The following GRAMD2B variants were observed in gnomAD, a reference collection of about 807,000 sequenced individuals.
GRAMD2B encodes GRAM domain containing 2B, also known as GRAM domain-containing protein 2B.
In GRAMD2B, 41 loss-of-function variants were observed where a neutral mutation model predicts 59.2. That is an observed-to-expected ratio of 0.69 (90% CI 0.54 to 0.90). The LOEUF is 0.90. Ranked by LOEUF, GRAMD2B falls within the 40% of genes least tolerant of loss-of-function variation. The pLI is 0.00. For missense variants in GRAMD2B, 424 were observed against 500.5 expected (o/e 0.85, Z 1.46); for synonymous variants, 161 against 182.7 (o/e 0.88, Z 0.96).
intron 1 of GRAMD2B, among the ~76,000 whole-genome samples, chr5:126,398,409 T>C (rs1464429188): frequency 2.0e-5 from 3 of 152,162 alleles, no homozygotes; most frequent in African/African-American, 7.2e-5. Context: ...TTTTTTGGCA[T>C]ATGATCATTC....
chr5:126,398,940 C>T (rs1052603696), intron 1 of GRAMD2B, among the ~76,000 whole-genome samples: 4 of 152,108 alleles, frequency 2.6e-5, no homozygotes, highest in Admixed American at 6.5e-5. Flanking sequence ...AGTTTCATTC[C>T]ATTGTGGTTG....
At chr5:126,362,556 A>T (rs1429819644) in intron 1 of GRAMD2B, among the ~76,000 whole-genome samples, 1 of 152,188 alleles carries the variant, frequency 6.6e-6, no homozygotes, top group Non-Finnish European at 1.5e-5. Context: ...CTGGCCTTGG[A>T]CTTATGTAGA....
intron 13 of GRAMD2B, 133 bp downstream of exon 13, chr5:126,489,025 G>A (rs1010053822): frequency 3.3e-5 from 17 of 520,414 alleles, no homozygotes; most frequent in Middle Eastern, 2.9e-4. Flanking sequence ...CCCTGGCTAG[G>A]GGCTTTTTAT....
intron 1 of GRAMD2B, among the ~76,000 whole-genome samples, chr5:126,394,342 G>A (rs1398792853): frequency 1.3e-5 from 2 of 152,192 alleles, no homozygotes. Flanking sequence ...AGGTCAGGTG[G>A]AGAAAGTAGG....
chr5:126,455,661 C>T (rs749383371), intron 1 of GRAMD2B, among the ~76,000 whole-genome samples: 25 of 152,174 alleles, frequency 1.6e-4, no homozygotes, highest in Non-Finnish European at 2.9e-4. Flanking sequence ...TTTGATTTCT[C>T]CAATCCAAAG....
intron 2 of GRAMD2B, among the ~76,000 whole-genome samples, chr5:126,466,693 C>A (rs1409264501): frequency 6.6e-6 from 1 of 152,086 alleles, no homozygotes; most frequent in African/African-American, 2.4e-5. Context: ...CCCAAAGGGC[C>A]AGCATCTCAC....
Position 126,484,493 on chromosome 5 carries a change from T to C in GRAMD2B, c.939T>C (p.Pro313=). ...CAGATGCCCATGTGAACAGAGTACC[T>C]GAAGGAAAAGCCAAGAGTCTCCCTG... is the stretch of plus-strand genomic sequence containing the variant. ...TRADAHVNRV[P]EGKAKSLPVQ... The change falls in exon 10 of 14, where the codon CCT becomes CCC. Residue 313 remains proline (P), a synonymous_variant. Coordinates refer to ENST00000285689, the MANE Select transcript of GRAMD2B (RefSeq NM_023927.4). 6.2e-7 allele frequency: 1 copy of C among 1,613,868 alleles called. No individual in the cohort carries two copies. Among genetic ancestry groups the C allele is most frequent in the Non-Finnish European group, 8.5e-7 (1 of 1,179,980 alleles).
At chr5:126,456,275 A>G (rs1411822047) in intron 1 of GRAMD2B, among the ~76,000 whole-genome samples, 1 of 152,162 alleles carries the variant, frequency 6.6e-6, no homozygotes, top group African/African-American at 2.4e-5. Context: ...CAGTGGCACA[A>G]TCACGGCTCA....
chr5:126,446,594 T>C (rs4836259), intron 1 of GRAMD2B, among the ~76,000 whole-genome samples: 145,303 of 149,732 alleles, frequency 0.97, 70,517 homozygotes, highest in East Asian at 1. Context: ...GTAGAAAATG[T>C]TTACATTCCC....
chr5:126,404,219 G>A (rs956138663), intron 1 of GRAMD2B, among the ~76,000 whole-genome samples: 2 of 151,838 alleles, frequency 1.3e-5, no homozygotes, highest in African/African-American at 2.4e-5. Context: ...CCCTTTTTGT[G>A]ATTGTAATAT....
At chr5:126,478,494 A>C (rs764230004) in intron 6 of GRAMD2B, among the ~76,000 whole-genome samples, 1 of 152,098 alleles carries the variant, frequency 6.6e-6, no homozygotes, top group African/African-American at 2.4e-5. Flanking sequence ...TAATCCCAGC[A>C]CTTTGGGAGG....
chr5:126,404,303 G>A (rs541574341), intron 1 of GRAMD2B, among the ~76,000 whole-genome samples: 1 of 151,792 alleles, frequency 6.6e-6, no homozygotes, highest in East Asian at 1.9e-4. Flanking sequence ...AGCTAGTAGA[G>A]GGAGTTAAAA....
At chr5:126,430,943 A>T in intron 1 of GRAMD2B, among the ~76,000 whole-genome samples, 1 of 152,208 alleles carries the variant, frequency 6.6e-6, no homozygotes, top group East Asian at 1.9e-4. Flanking sequence ...TGGTTTTTTT[A>T]AGTGACAGAA....
upstream of GRAMD2B, among the ~76,000 whole-genome samples, chr5:126,421,141 A>AT (rs1759684012): frequency 6.6e-6 from 1 of 152,248 alleles, no homozygotes; most frequent in African/African-American, 2.4e-5. Flanking sequence ...GCCAAGGATG[A>AT]TAAAAAAAAG....
intron 1 of GRAMD2B, among the ~76,000 whole-genome samples, chr5:126,448,676 G>A (rs1764789804): frequency 6.6e-6 from 1 of 152,008 alleles, no homozygotes; most frequent in Non-Finnish European, 1.5e-5. Flanking sequence ...CCAAATTAGG[G>A]AAAGAAAAAG....
At chr5:126,374,768 AT>A (rs1282918063) in intron 1 of GRAMD2B, among the ~76,000 whole-genome samples, 9 of 152,326 alleles carry the variant, frequency 5.9e-5, no homozygotes, top group African/African-American at 2.2e-4. Context: ...CACATTATTT[AT>A]TGAATAGACT....
At chr5:126,387,630 A>C (rs1185232054) in intron 1 of GRAMD2B, among the ~76,000 whole-genome samples, 1 of 151,926 alleles carries the variant, frequency 6.6e-6, no homozygotes, top group Admixed American at 6.6e-5. Context: ...AAGGGTCCAG[A>C]CCTGGCCCTG....
intron 3 of GRAMD2B, among the ~76,000 whole-genome samples, chr5:126,470,878 T>G (rs1769432799): frequency 6.6e-6 from 1 of 152,176 alleles, no homozygotes; most frequent in South Asian, 2.1e-4. Context: ...CCCTTTTAAT[T>G]GAAAGCAGCC....
chr5:126,417,409 A>G (rs955252878), intron 1 of GRAMD2B, among the ~76,000 whole-genome samples: 13 of 152,242 alleles, frequency 8.5e-5, no homozygotes, highest in African/African-American at 2.9e-4. Flanking sequence ...CTGCACAGAC[A>G]CTGAAATGCT....
Sources: gnomAD v4.1 joint callset for allele counts (sites outside exome capture counted in the v4.1 genomes callset) on GRCh38, gnomAD v4.1.1 for gene constraint, MANE v1.5 for transcripts, NCBI Gene and HGNC (gene_info 2026-07-23, HGNC 2026-07-21) for gene names.